The following ZNRF2 variants were observed in gnomAD, a reference collection of about 807,000 sequenced individuals.
ZNRF2 encodes zinc and ring finger 2, also known as E3 ubiquitin-protein ligase ZNRF2.
In ZNRF2, 16 loss-of-function variants were observed where a neutral mutation model predicts 20.4. That is an observed-to-expected ratio of 0.79 (90% CI 0.53 to 1.19). The LOEUF is 1.19. Ranked by LOEUF, ZNRF2 falls within the 50% of genes most tolerant of loss-of-function variation. The pLI, the probability that ZNRF2 is intolerant of heterozygous loss-of-function variation, is 0.00. For missense variants in ZNRF2, 363 were observed against 332.4 expected (o/e 1.09, Z -0.72); for synonymous variants, 178 against 144.9 (o/e 1.23, Z -1.64).
Position 30,285,721 on chromosome 7 carries a change from G to T in ZNRF2, c.364G>T (p.Glu122Ter). Residue 122 changes from glutamate to a stop codon, truncating the protein, a stop_gained, in exon 1 of 5, where the codon GAG becomes TAG. Coordinates refer to ENST00000323037, the MANE Select transcript of ZNRF2 (RefSeq NM_147128.4). LOFTEE classifies it high-confidence loss of function. ...GSQDSVHSSP[E>*]DGGGGRDRPV... ...GCAGGACTCGGTGCACAGCAGCCCT[G>T]AGGACGGCGGCGGCGGCCGGGACCG... is the stretch of plus-strand genomic sequence containing the variant. 1 of 1,479,094 alleles carries T rather than the reference G, an allele frequency of 6.8e-7. No homozygotes were observed. 91.6% of individuals were successfully genotyped at this position (1,479,094 alleles called of 1,614,324 possible). A position where few individuals can be genotyped will look rare whatever the true frequency, so the allele number is the denominator to read the frequency against.
intron 1 of ZNRF2, among the ~76,000 whole-genome samples, chr7:30,313,346 T>C (rs565083686): frequency 7.2e-5 from 11 of 152,296 alleles, no homozygotes; most frequent in African/African-American, 2.6e-4. Context: ...CAATATAATC[T>C]AAGACCCAGG....
At chr7:30,323,057 TTC>T (rs1234611510) in intron 1 of ZNRF2, among the ~76,000 whole-genome samples, 3 of 152,194 alleles carry the variant, frequency 2.0e-5, no homozygotes, top group African/African-American at 7.2e-5. Flanking sequence ...TGATGCTAGT[TTC>T]TGTTTTCATT....
At chr7:30,349,243 C>CAT (rs1438290754) in intron 2 of ZNRF2, among the ~76,000 whole-genome samples, 3 of 152,116 alleles carry the variant, frequency 2.0e-5, no homozygotes, top group Admixed American at 6.5e-5. Context: ...AAATGAGGCT[C>CAT]AAAGAGGTTT....
chr7:30,290,358 G>A (rs1190479269), intron 1 of ZNRF2, among the ~76,000 whole-genome samples: 1 of 152,200 alleles, frequency 6.6e-6, no homozygotes, highest in Non-Finnish European at 1.5e-5. Flanking sequence ...AATTTCTGTG[G>A]GTCAAGAGGC....
chr7:30,320,332 G>A (rs996282178), intron 1 of ZNRF2, among the ~76,000 whole-genome samples: 4 of 152,134 alleles, frequency 2.6e-5, no homozygotes, highest in Non-Finnish European at 5.9e-5. Context: ...TATACAGAGA[G>A]AGATGAATCA....
intron 1 of ZNRF2, among the ~76,000 whole-genome samples, chr7:30,304,964 C>A (rs1183602108): frequency 6.6e-6 from 1 of 152,070 alleles, no homozygotes; most frequent in Non-Finnish European, 1.5e-5. Context: ...ATATAAATTG[C>A]ATTTAAATTA....
In ZNRF2 at chr7:30,353,457, C is replaced by T. The variant is rs78574084; in HGVS notation, c.566-2271C>T. On this transcript the variant is annotated intron_variant, in intron 2 of 4. Transcript: ENST00000323037. ...AGCTTATTTTTTAAATGACTTTAACCCAGCATTCTGAATTACACTAAAAAG... is the reference window on the plus strand; with the variant it reads ...AGCTTATTTTTTAAATGACTTTAACTCAGCATTCTGAATTACACTAAAAAG... 8.6e-3 allele frequency among the ~76,000 whole-genome samples: 1,314 copies of T among 151,964 alleles called. 22 individuals carry two copies. Among genetic ancestry groups the T allele is most frequent in the African/African-American group, 0.03 (1,223 of 41,450 alleles).
intron 1 of ZNRF2, among the ~76,000 whole-genome samples, chr7:30,319,037 A>G (rs552626943): frequency 6.6e-6 from 1 of 151,694 alleles, no homozygotes; most frequent in Non-Finnish European, 1.5e-5. Flanking sequence ...ACTTGAACCC[A>G]GGGGGTGGAG....
chr7:30,321,598 G>A (rs1156810232), intron 1 of ZNRF2, among the ~76,000 whole-genome samples: 1 of 152,074 alleles, frequency 6.6e-6, no homozygotes, highest in Non-Finnish European at 1.5e-5. Context: ...TAGGCAGTTG[G>A]ATGGCTCTCA....
chr7:30,295,476 G>A (rs542721380), intron 1 of ZNRF2, among the ~76,000 whole-genome samples: 3 of 152,156 alleles, frequency 2.0e-5, no homozygotes, highest in East Asian at 3.9e-4. Context: ...TCTGGGAGAC[G>A]GACGGGGGCG....
intron 1 of ZNRF2, among the ~76,000 whole-genome samples, chr7:30,310,103 A>G (rs578218190): frequency 6.6e-6 from 1 of 152,272 alleles, no homozygotes; most frequent in East Asian, 1.9e-4. Context: ...AGGGTGGTGT[A>G]GATGTCTAAA....
chr7:30,285,727 G>T lies in ZNRF2; in HGVS notation c.370G>T (p.Gly124Cys). Residue 124 changes from glycine (G) to cysteine (C), a missense_variant, in exon 1 of 5, where the codon GGC (glycine) becomes TGC (cysteine). Around this residue, in one of 2 missense-constraint regions of ZNRF2, gnomAD observed 302 missense variants for 231.5 expected, o/e 1.30. Transcript: ENST00000323037. ...QDSVHSSPED[G>C]GGGRDRPVGG... ...CTCGGTGCACAGCAGCCCTGAGGACGGCGGCGGCGGCCGGGACCGGCCGGT... is the reference window on the plus strand; with the variant it reads ...CTCGGTGCACAGCAGCCCTGAGGACTGCGGCGGCGGCCGGGACCGGCCGGT... 1 of 1,473,656 alleles carries T rather than the reference G, an allele frequency of 6.8e-7. No homozygotes were observed. 91.3% of individuals were successfully genotyped at this position (1,473,656 alleles called of 1,614,324 possible).
chr7:30,297,084 C>G (rs556728901), intron 1 of ZNRF2, among the ~76,000 whole-genome samples: 62 of 152,226 alleles, frequency 4.1e-4, no homozygotes, highest in Middle Eastern at 6.8e-3. Flanking sequence ...CTTTTCTTTT[C>G]CTGTACAATT....
Position 30,295,050 on chromosome 7 carries a change from A to AGTGTGTGTGT in ZNRF2, c.469+9266_469+9275dup, listed in dbSNP as rs71536219. 1.8e-3 allele frequency among the ~76,000 whole-genome samples: 69 copies of AGTGTGTGTGT among 38,284 alleles called. 1 individual carries two copies. The highest frequency in any genetic ancestry group is 5.1e-3 in the East Asian group (5 of 984). 25.1% of individuals were successfully genotyped at this position (38,284 alleles called of 152,430 possible). A position where few individuals can be genotyped will look rare whatever the true frequency, so the allele number is the denominator to read the frequency against. ...GAGAGAGAGAGAGAGAGAGAGAGAG[A>AGTGTGTGTGT]GTGTGTGTGTGTGTGTGTGTGTGTG... On this transcript the variant is annotated intron_variant, in intron 1 of 4. Transcript: ENST00000323037.
intron 1 of ZNRF2, among the ~76,000 whole-genome samples, 175 bp from the exon 2 acceptor site, chr7:30,323,467 A>G (rs888225068): frequency 6.6e-6 from 1 of 152,230 alleles, no homozygotes; most frequent in Non-Finnish European, 1.5e-5. Context: ...ATAAACTGAT[A>G]CAAAAGTCAG....
At chr7:30,343,981 G>A (rs542082449) in intron 2 of ZNRF2, among the ~76,000 whole-genome samples, 7 of 146,302 alleles carry the variant, frequency 4.8e-5, no homozygotes, top group East Asian at 2.0e-4. Context: ...GTGCAGTGGC[G>A]CGATCTCGGC....
Position 30,342,670 on chromosome 7 carries a change from G to A in ZNRF2, c.566-13058G>A, listed in dbSNP as rs187443829. ...ATATTATTTATTGTGCTTTCCTTAG[G>A]TATGCGTTTTCTGAGTTTATTGTGT... On this transcript the variant is annotated intron_variant, in intron 2 of 4. Coordinates refer to ENST00000323037, the MANE Select transcript of ZNRF2 (RefSeq NM_147128.4). Among the ~76,000 whole-genome samples the A allele has an allele frequency of 2.4e-3, 367 of 152,006 alleles. 1 individual carries two copies. Among genetic ancestry groups the A allele is most frequent in the Non-Finnish European group, 3.9e-3 (266 of 67,964 alleles).
chr7:30,332,913 G>A (rs1799657558), intron 2 of ZNRF2, among the ~76,000 whole-genome samples: 1 of 152,068 alleles, frequency 6.6e-6, no homozygotes, highest in Admixed American at 6.6e-5. Context: ...TGATTGCTGG[G>A]TTGAATGGTA....
intron 3 of ZNRF2, among the ~76,000 whole-genome samples, chr7:30,358,300 A>G (rs1800071596): frequency 6.6e-6 from 1 of 152,224 alleles, no homozygotes; most frequent in Non-Finnish European, 1.5e-5. Context: ...TTAAACTATA[A>G]CATTAATGTC....
Sources: gnomAD v4.1 joint callset for allele counts (sites outside exome capture counted in the v4.1 genomes callset) on GRCh38, gnomAD v4.1.1 for gene constraint, gnomAD v4.1.1 regional missense constraint, MANE v1.5 for transcripts, NCBI Gene and HGNC (gene_info 2026-07-23, HGNC 2026-07-21) for gene names.